Variants in TNNI3K observed in about 807,000 individuals in gnomAD.
The protein encoded by TNNI3K is TNNI3 interacting kinase.
Under a neutral mutation model 114.5 loss-of-function variants are expected in TNNI3K, and 140 were observed. The ratio of observed to expected loss-of-function variants is 1.22; its 90% confidence interval spans 1.07 to 1.41. The LOEUF (loss-of-function observed/expected upper bound fraction) is 1.41, where lower values mean the gene tolerates loss of function less well. TNNI3K is among the 40% of genes most tolerant of loss of function. The pLI is 0.00. For synonymous variants in TNNI3K, 347 were observed against 347.5 expected (o/e 1.00, Z 0.02); for missense variants, 1,125 against 1,007.6 (o/e 1.12, Z -1.58).
intron 4 of TNNI3K, among the ~76,000 whole-genome samples, chr1:74,261,454 A>C (rs1557458045): frequency 6.6e-6 from 1 of 152,156 alleles, no homozygotes. Context: ...ATAAATGTAT[A>C]TAAGCAGATT....
intron 23 of TNNI3K, among the ~76,000 whole-genome samples, chr1:74,536,826 T>C (rs1353446309): frequency 6.6e-6 from 1 of 152,124 alleles, no homozygotes; most frequent in Non-Finnish European, 1.5e-5. Context: ...TGCATTTACT[T>C]TTGTTGAATT....
At chr1:74,474,113 AAAC>A (rs1276619435) in intron 21 of TNNI3K, among the ~76,000 whole-genome samples, 2 of 152,166 alleles carry the variant, frequency 1.3e-5, no homozygotes, top group South Asian at 2.1e-4. Flanking sequence ...CTCAGTGTGA[AAAC>A]AACAGACTGG....
At chr1:74,543,301 C>T (rs143072148) in intron 24 of TNNI3K, among the ~76,000 whole-genome samples, 5 of 151,650 alleles carry the variant, frequency 3.3e-5, no homozygotes, top group Admixed American at 2.0e-4. Context: ...CTCGATCTCC[C>T]GACCTCATGA....
In TNNI3K at chr1:74,369,541, C is replaced by G; in HGVS notation, c.1623C>G (p.Tyr541Ter). 1.2e-6 allele frequency: 2 copies of G among 1,612,156 alleles called. No individual in the cohort carries two copies. The highest frequency in any genetic ancestry group is 1.7e-6 in the Non-Finnish European group (2 of 1,178,878). ...DPSQFAIVTQ[Y>*]ISGGSLFSLL... ...GCCAGTTTGCCATTGTCACTCAATA[C>G]ATATCAGGGGGTTCTCTGTTCTCCC... Residue 541 changes from tyrosine (Y) to a stop codon, truncating the protein, a stop_gained, in exon 16 of 25, where the codon TAC becomes TAG. Transcript: ENST00000326637. LOFTEE classifies it high-confidence loss of function.
chr1:74,305,982 G>A (rs558149867), intron 5 of TNNI3K, among the ~76,000 whole-genome samples: 134 of 152,194 alleles, frequency 8.8e-4, no homozygotes, highest in Non-Finnish European at 1.2e-3. Flanking sequence ...AAAAGTGAAC[G>A]TAGGTAGTTG....
chr1:74,514,561 A>T (rs1646321295), intron 23 of TNNI3K, among the ~76,000 whole-genome samples: 1 of 152,156 alleles, frequency 6.6e-6, no homozygotes, highest in Non-Finnish European at 1.5e-5. Context: ...AATATCCCCA[A>T]TTATTTGCTA....
intron 2 of TNNI3K, among the ~76,000 whole-genome samples, chr1:74,244,477 T>A (rs1654434789): frequency 6.6e-6 from 1 of 152,204 alleles, no homozygotes; most frequent in South Asian, 2.1e-4. Flanking sequence ...TTTATGTAAA[T>A]GATAAACATT....
At chr1:74,298,807 T>C (rs1349681943) in intron 5 of TNNI3K, among the ~76,000 whole-genome samples, 1 of 152,150 alleles carries the variant, frequency 6.6e-6, no homozygotes, top group Non-Finnish European at 1.5e-5. Context: ...ACAAATATTT[T>C]AGTTGTTTTA....
chr1:74,507,256 T>A (rs1669955815), intron 23 of TNNI3K, among the ~76,000 whole-genome samples: 1 of 126,130 alleles, frequency 7.9e-6, no homozygotes, highest in African/African-American at 2.8e-5. Flanking sequence ...CAAAAATACA[T>A]AAAGGATTCA....
intron 6 of TNNI3K, among the ~76,000 whole-genome samples, chr1:74,332,309 T>TC (rs1660244354): frequency 6.6e-6 from 1 of 151,896 alleles, no homozygotes; most frequent in South Asian, 2.1e-4. Context: ...TTTTTTTTTT[T>TC]CTTTTTTGTG....
intron 1 of TNNI3K, among the ~76,000 whole-genome samples, chr1:74,235,823 T>A (rs891948114): frequency 6.6e-6 from 1 of 151,416 alleles, no homozygotes; most frequent in Non-Finnish European, 1.5e-5. Flanking sequence ...AACTAGAGAT[T>A]GCTATAATTA....
chr1:74,290,579 G>C (rs1402300889), intron 5 of TNNI3K, among the ~76,000 whole-genome samples: 2 of 151,670 alleles, frequency 1.3e-5, no homozygotes, highest in Admixed American at 1.3e-4. Flanking sequence ...GATATGGTGG[G>C]ACACTATGCT....
intron 17 of TNNI3K, among the ~76,000 whole-genome samples, chr1:74,413,127 T>C (rs899877482): frequency 2.4e-4 from 36 of 152,206 alleles, no homozygotes; most frequent in African/African-American, 8.2e-4. Flanking sequence ...TATTCTTTCA[T>C]TCACAGAGTA....
chr1:74,453,533 C>T (rs1353591693), intron 20 of TNNI3K, among the ~76,000 whole-genome samples: 1 of 152,086 alleles, frequency 6.6e-6, no homozygotes, highest in Admixed American at 6.6e-5. Flanking sequence ...AGGACTCATC[C>T]TTCTGGATTT....
intron 5 of TNNI3K, among the ~76,000 whole-genome samples, chr1:74,312,724 C>T (rs1570452631): frequency 6.6e-6 from 1 of 152,202 alleles, no homozygotes; most frequent in African/African-American, 2.4e-5. Context: ...TGATCATCAC[C>T]TTGCTGGGAT....
chr1:74,409,586 T>C (rs964708567), intron 17 of TNNI3K, among the ~76,000 whole-genome samples: 2 of 149,060 alleles, frequency 1.3e-5, no homozygotes, highest in Admixed American at 6.8e-5. Context: ...CTCTGCCTCC[T>C]GGGTTCAAGT....
At chr1:74,300,920 G>A (rs182597627) in intron 5 of TNNI3K, among the ~76,000 whole-genome samples, 2 of 152,172 alleles carry the variant, frequency 1.3e-5, no homozygotes, top group African/African-American at 4.8e-5. Flanking sequence ...TGTTTTGGGG[G>A]AAATGTAACT....
intron 7 of TNNI3K, among the ~76,000 whole-genome samples, chr1:74,336,552 C>T (rs1304048842): frequency 6.7e-6 from 1 of 149,360 alleles, no homozygotes; most frequent in Non-Finnish European, 1.5e-5. Flanking sequence ...TTCCTGTGTC[C>T]ATGTGATCTC....
At chr1:74,472,043 T>C in intron 21 of TNNI3K, 1 of 711,310 alleles carries the variant, frequency 1.4e-6, no homozygotes, top group Non-Finnish European at 2.6e-6. Context: ...GATGATGAGC[T>C]TGTAATAAAA....
Sources: gnomAD v4.1 joint callset for allele counts (sites outside exome capture counted in the v4.1 genomes callset) on GRCh38, gnomAD v4.1.1 for gene constraint, MANE v1.5 for transcripts, NCBI Gene and HGNC (gene_info 2026-07-23, HGNC 2026-07-21) for gene names.